Variants in RORB observed in about 807,000 individuals in gnomAD.
The protein encoded by RORB is nuclear receptor ROR-beta.
RORB carries 6 observed loss-of-function variants against 59.1 expected under a neutral mutation model. The observed-to-expected ratio is 0.10, with a 90% confidence interval of 0.06 to 0.20. The LOEUF is 0.20. Among genes scored for constraint, RORB ranks in the 10% least tolerant of loss-of-function variants. The pLI is 1.00. For missense variants in RORB, 320 were observed against 560.5 expected, an observed-to-expected ratio of 0.57 and a Z score of 4.33; for synonymous variants, 215 against 204.5, an observed-to-expected ratio of 1.05 and a Z score of -0.44.
intron 1 of RORB, among the ~76,000 whole-genome samples, chr9:74,591,637 A>T (rs1232520219): frequency 6.6e-6 from 1 of 152,166 alleles, no homozygotes; most frequent in Non-Finnish European, 1.5e-5. Context: ...TAATAAGTAG[A>T]TGCTTTCATG....
intron 1 of RORB, among the ~76,000 whole-genome samples, chr9:74,549,845 T>C (rs11144006): frequency 0.58 from 88,190 of 151,626 alleles, 26,516 homozygotes; most frequent in African/African-American, 0.72. Flanking sequence ...TCTCCTGTCT[T>C]AGCCTCCCGA....
intron 1 of RORB, among the ~76,000 whole-genome samples, chr9:74,586,160 G>A (rs1822795988): frequency 6.6e-6 from 1 of 152,026 alleles, no homozygotes; most frequent in African/African-American, 2.4e-5. Flanking sequence ...ACCTACAGAT[G>A]TTAATGGCAT....
intron 1 of RORB, among the ~76,000 whole-genome samples, chr9:74,520,613 C>T (rs1026288179): frequency 3.3e-5 from 5 of 151,696 alleles, no homozygotes; most frequent in African/African-American, 1.2e-4. Flanking sequence ...AGATAAATTA[C>T]CAGGTTCTTA....
intron 1 of RORB, among the ~76,000 whole-genome samples, chr9:74,530,761 A>G (rs1322993230): frequency 6.6e-6 from 1 of 151,892 alleles, no homozygotes; most frequent in Non-Finnish European, 1.5e-5. Context: ...TCTAGGGTAC[A>G]TGTGCACAAC....
intron 1 of RORB, among the ~76,000 whole-genome samples, chr9:74,616,692 C>T (rs1402253536): frequency 6.6e-6 from 1 of 152,096 alleles, no homozygotes; most frequent in Non-Finnish European, 1.5e-5. Context: ...CTCTTTGGGT[C>T]TGAATCACAA....
At chr9:74,582,982 A>G (rs964866367) in intron 1 of RORB, among the ~76,000 whole-genome samples, 1 of 152,130 alleles carries the variant, frequency 6.6e-6, no homozygotes, top group African/African-American at 2.4e-5. Flanking sequence ...CAACCTTCTC[A>G]GGTGTCTATA....
At chr9:74,614,202 G>A (rs1488187784) in intron 1 of RORB, among the ~76,000 whole-genome samples, 1 of 152,188 alleles carries the variant, frequency 6.6e-6, no homozygotes. Context: ...ATGGTTGCGT[G>A]TGCATAGACT....
intron 9 of RORB, among the ~76,000 whole-genome samples, chr9:74,684,361 G>A (rs1305060680): frequency 1.3e-5 from 2 of 152,118 alleles, no homozygotes; most frequent in Non-Finnish European, 2.9e-5. Flanking sequence ...TTGTTTAACT[G>A]TATTTTTCAT....
At chr9:74,573,532 ACT>A (rs1442450408) in intron 1 of RORB, among the ~76,000 whole-genome samples, 3 of 151,678 alleles carry the variant, frequency 2.0e-5, no homozygotes, top group Non-Finnish European at 4.4e-5. Flanking sequence ...TTATTGATGT[ACT>A]CTATGTGACT....
chr9:74,643,309 C>T (rs558731495), intron 4 of RORB, among the ~76,000 whole-genome samples: 11 of 152,254 alleles, frequency 7.2e-5, no homozygotes, highest in Admixed American at 3.3e-4. Context: ...ACCAGAAGAC[C>T]GCCAAGGCTC....
intron 8 of RORB, among the ~76,000 whole-genome samples, chr9:74,669,114 T>G (rs772537808): frequency 1.3e-5 from 2 of 152,182 alleles, no homozygotes; most frequent in African/African-American, 2.4e-5. Context: ...AAATGCCAAG[T>G]TCTTAAAGAA....
At chr9:74,611,496 A>G (rs1189984601) in intron 1 of RORB, among the ~76,000 whole-genome samples, 1 of 152,206 alleles carries the variant, frequency 6.6e-6, no homozygotes, top group African/African-American at 2.4e-5. Flanking sequence ...CAAGCAAGGA[A>G]GCAAACATAT....
intron 9 of RORB, among the ~76,000 whole-genome samples, chr9:74,676,142 C>A (rs1824437805): frequency 6.6e-6 from 1 of 152,170 alleles, no homozygotes; most frequent in South Asian, 2.1e-4. Context: ...ATGGGTCTAG[C>A]CCATTCCCAA....
chr9:74,671,996 C>G (rs949980664), intron 9 of RORB, 95 bp downstream of exon 9: 8 of 650,246 alleles, frequency 1.2e-5, no homozygotes, highest in Non-Finnish European at 2.1e-5. Flanking sequence ...TCAGCAGCAA[C>G]AATTTCTGAA....
chr9:74,632,364 G>C (rs1823633913), intron 2 of RORB, among the ~76,000 whole-genome samples: 1 of 152,024 alleles, frequency 6.6e-6, no homozygotes, highest in Non-Finnish European at 1.5e-5. Flanking sequence ...ACCCACATTT[G>C]TAAATATGCT....
chr9:74,532,790 A>G (rs1384937406), intron 1 of RORB, among the ~76,000 whole-genome samples: 1 of 147,204 alleles, frequency 6.8e-6, no homozygotes, highest in African/African-American at 2.5e-5. Context: ...GTGTATATAT[A>G]TATACATAGA....
chr9:74,569,808 T>C (rs1297367570), intron 1 of RORB, among the ~76,000 whole-genome samples: 1 of 152,094 alleles, frequency 6.6e-6, no homozygotes, highest in East Asian at 1.9e-4. Context: ...TTCTCTTTCT[T>C]TGACTGTATA....
chr9:74,639,360 AAAG>A (rs1198759001), intron 3 of RORB, among the ~76,000 whole-genome samples: 1 of 152,238 alleles, frequency 6.6e-6, no homozygotes, highest in Non-Finnish European at 1.5e-5. Flanking sequence ...GCAAAGAATG[AAAG>A]AGCACTGCAA....
Position 74,662,462 on chromosome 9 carries a change from TCTCTC to T in RORB, c.760-8_760-4del. 6.2e-7 allele frequency: 1 copy of T among 1,613,730 alleles called. No individual in the cohort carries two copies. The highest frequency in any genetic ancestry group is 8.5e-7 in the Non-Finnish European group (1 of 1,179,732). On this transcript the variant is annotated splice_polypyrimidine_tract_variant and splice_region_variant and intron_variant, in intron 5 of 9. Coordinates refer to ENST00000376896, the MANE Select transcript of RORB (RefSeq NM_006914.4). ...TTTGCCCTATTTACATTCTGTGTCTTCTCTCCTCAAGTCCAGGGAAGCACTGTGGC... is the reference window on the plus strand; with the variant it reads ...TTTGCCCTATTTACATTCTGTGTCTTCTCAAGTCCAGGGAAGCACTGTGGC...
Sources: allele counts gnomAD v4.1 joint callset (sites outside exome capture counted in the v4.1 genomes callset), GRCh38; gene constraint gnomAD v4.1.1; transcripts MANE v1.5; gene names NCBI Gene and HGNC (gene_info 2026-07-23, HGNC 2026-07-21).